Variants in RND3 observed in about 807,000 individuals in gnomAD.
The protein encoded by RND3 is rho-related GTP-binding protein RhoE.
In RND3, 8 loss-of-function variants were observed where a neutral mutation model predicts 26.5. The observed-to-expected ratio is 0.30, with a 90% CI of 0.18 to 0.54. RND3 has a LOEUF of 0.54. Ranked by LOEUF, RND3 falls within the 20% of genes least tolerant of loss-of-function variation. RND3 has a pLI of 0.94. For synonymous variants in RND3, 113 were observed against 113.0 expected (o/e 1.00, Z 0.00); for missense variants, 207 against 302.8 (o/e 0.68, Z 2.35).
At chr2:150,487,476 T>C in intron 1 of RND3, 21 bp from the exon 2 acceptor site, 1 of 212,074 alleles carries the variant, frequency 4.7e-6, no homozygotes, top group Non-Finnish European at 7.5e-6. Context: ...AAAAAAAAAA[T>C]ATATATATAT....
At chr2:150,484,391 T>G (rs1397007419) in intron 3 of RND3, among the ~76,000 whole-genome samples, 2 of 152,352 alleles carry the variant, frequency 1.3e-5, no homozygotes, top group East Asian at 3.9e-4. Flanking sequence ...AAGAATCAAT[T>G]TAGCCCTTTA....
chr2:150,474,676 CT>C (rs983352112), intron 4 of RND3, among the ~76,000 whole-genome samples, 198 bp downstream of exon 4: 1 of 152,140 alleles, frequency 6.6e-6, no homozygotes. Context: ...TGTTTCAGAG[CT>C]TCATGAAATA....
At position 150,469,760 on chromosome 2, in the gene RND3, A is replaced by T; in HGVS notation, c.*227T>A. The stretch of plus-strand genomic sequence containing the variant: ...ATTTGTATCTCTCATTTTTTGGCAT[A>T]TTTTTCAAGTCACACTTAAAAACTC... On this transcript the variant is annotated 3_prime_UTR_variant, in exon 6 of 6. Transcript: ENST00000263895. The T allele has an allele frequency of 1.4e-5, 7 of 503,638 alleles. No homozygotes were observed. Among genetic ancestry groups the T allele is most frequent in the Non-Finnish European group, 2.1e-5 (6 of 287,438 alleles). 31.2% of individuals were successfully genotyped at this position (503,638 alleles called of 1,614,324 possible).
intron 4 of RND3, among the ~76,000 whole-genome samples, chr2:150,472,431 A>C (rs539986002): frequency 6.6e-6 from 1 of 152,280 alleles, no homozygotes; most frequent in South Asian, 2.1e-4. Flanking sequence ...TTAGTTTAAA[A>C]CTATTTCAAT....
At chr2:150,475,086 C>G in intron 3 of RND3, 102 bp from the exon 4 acceptor site, 1 of 646,944 alleles carries the variant, frequency 1.5e-6, no homozygotes, top group Middle Eastern at 2.9e-4. Context: ...TGTCACATCA[C>G]GACCCAACTC....
At chr2:150,482,713 T>C (rs902552891) in intron 3 of RND3, among the ~76,000 whole-genome samples, 1 of 71,842 alleles carries the variant, frequency 1.4e-5, no homozygotes, top group Non-Finnish European at 2.6e-5. Flanking sequence ...AACTGGTGTG[T>C]GCAATGGGCG....
At position 150,474,966 on chromosome 2, in the gene RND3, T is replaced by C. The variant is rs1686142469; in HGVS notation, c.257A>G (p.Asn86Ser). The stretch of plus-strand genomic sequence containing the variant: ...ATCAGGGTAAGAGAGGGGGCGGACA[T>C]TGTCATAGTAAGGAGAACCTGAGAA... ...WDTSGSPYYD[N>S]VRPLSYPDSD... Residue 86 changes from asparagine to serine, a missense_variant, in exon 4 of 6, where the codon AAT becomes AGT. Transcript: ENST00000263895. 1.9e-6 allele frequency: 3 copies of C among 1,611,528 alleles called. No homozygotes were observed. Among genetic ancestry groups the C allele is most frequent in the Non-Finnish European group, 2.5e-6 (3 of 1,178,008 alleles).
At position 150,486,968 on chromosome 2, in the gene RND3, C is replaced by T. The variant is rs1327107167; in HGVS notation, c.151-187G>A. The T allele has an allele frequency of 3.2e-6, 2 of 627,744 alleles. No individual in the cohort carries two copies. Among genetic ancestry groups the T allele is most frequent in the African/African-American group, 1.8e-5 (1 of 54,736 alleles). 38.9% of individuals were successfully genotyped at this position (627,744 alleles called of 1,614,324 possible). ...CCCCTGTCCTACTCCCCACTCACCCCACCCGGCTCTCACAGATCTGCTGAC... is the reference window on the plus strand; with the variant it reads ...CCCCTGTCCTACTCCCCACTCACCCTACCCGGCTCTCACAGATCTGCTGAC... On this transcript the variant is annotated intron_variant, in intron 2 of 5. Transcript: ENST00000263895. This position sits in a 1 kb window ranked among gnomAD's most constrained non-coding sequence, Gnocchi z 4.5.
intron 4 of RND3, chr2:150,472,054 A>G: frequency 3.2e-6 from 1 of 315,634 alleles, no homozygotes; most frequent in Non-Finnish European, 6.0e-6. Flanking sequence ...AGGTAGCTTC[A>G]ATAATGTCTT....
chr2:150,484,758 C>T (rs578124941), intron 3 of RND3, among the ~76,000 whole-genome samples: 6 of 152,148 alleles, frequency 3.9e-5, no homozygotes, highest in Non-Finnish European at 7.4e-5. Flanking sequence ...GAAAATGAGA[C>T]CCAGGGAGAT....
chr2:150,475,676 G>C (rs186012350), intron 3 of RND3, among the ~76,000 whole-genome samples: 25 of 152,290 alleles, frequency 1.6e-4, no homozygotes, highest in African/African-American at 6.0e-4. Flanking sequence ...GTTTACATAG[G>C]CCATTGACCT....
Position 150,486,863 on chromosome 2 carries a change from T to C in RND3, c.151-82A>G. 1 of 936,092 alleles carries C rather than the reference T, an allele frequency of 1.1e-6. No individual in the cohort carries two copies. Among genetic ancestry groups the C allele is most frequent in the Non-Finnish European group, 1.8e-6 (1 of 562,318 alleles). 58.0% of individuals were successfully genotyped at this position (936,092 alleles called of 1,614,324 possible). On this transcript the variant is annotated intron_variant, in intron 2 of 5. Coordinates refer to ENST00000263895, the MANE Select transcript of RND3 (RefSeq NM_005168.5). The surrounding 1 kb of genome is among the most constrained non-coding windows in gnomAD (Gnocchi z 4.5). ...AACGCACGACACCCATTGAACACCC[T>C]TCCCCTCCCCGCTCCCCAGTTAAGA...
chr2:150,475,431 G>A (rs1486210152), intron 3 of RND3, among the ~76,000 whole-genome samples: 12 of 152,194 alleles, frequency 7.9e-5, no homozygotes, highest in Admixed American at 7.2e-4. Flanking sequence ...CCCAGGCAGG[G>A]CCTGGCTTTT....
At chr2:150,482,588 C>G (rs1206922058) in intron 3 of RND3, among the ~76,000 whole-genome samples, 1 of 151,934 alleles carries the variant, frequency 6.6e-6, no homozygotes, top group African/African-American at 2.4e-5. Flanking sequence ...TAAAAATTCC[C>G]TCTTTTAGAT....
chr2:150,480,631 GA>G lies in RND3; in HGVS notation c.239-5648del, dbSNP rs974454577. Among the ~76,000 whole-genome samples the G allele has an allele frequency of 7.4e-4, 109 of 147,272 alleles. 1 individual carries two copies. Among genetic ancestry groups the G allele is most frequent in the African/African-American group, 2.3e-3 (93 of 40,494 alleles). ...TGCAACTTAGCAAGAAACCAGATTG[GA>G]AAAAAAACAGCACTAAATGCGGCTA... On this transcript the variant is annotated intron_variant, in intron 3 of 5. Transcript: ENST00000263895.
Position 150,487,073 on chromosome 2 carries a change from C to A in RND3, c.150+195G>T, listed in dbSNP as rs1686385165. The A allele has an allele frequency of 4.9e-6, 3 of 609,750 alleles. No individual in the cohort carries two copies. The Admixed American group carries it at 8.9e-5, about 18-fold the overall frequency. 37.8% of individuals were successfully genotyped at this position (609,750 alleles called of 1,614,324 possible). On this transcript the variant is annotated intron_variant, in intron 2 of 5. Coordinates refer to ENST00000263895, the MANE Select transcript of RND3 (RefSeq NM_005168.5). ...AACCAGCCCATGTGCAGGCGCGTCCCAACCCTAAAAGCTTCCAGCGCACTT... is the reference window on the plus strand; with the variant it reads ...AACCAGCCCATGTGCAGGCGCGTCCAAACCCTAAAAGCTTCCAGCGCACTT...
rs57042915 is a variant in RND3, at chr2:150,481,725, CA to C, written c.238+4968del. 8.7e-3 allele frequency among the ~76,000 whole-genome samples: 1,288 copies of C among 148,358 alleles called. 13 individuals carry two copies. The highest frequency in any genetic ancestry group is 0.029 in the African/African-American group (1,159 of 40,532). ...TGTGTTCATTTATATGCTAAATCAC[CA>C]AAAAAAAAGGGGAGGGGGAGAGAGA... On this transcript the variant is annotated intron_variant, in intron 3 of 5. Coordinates refer to ENST00000263895, the MANE Select transcript of RND3 (RefSeq NM_005168.5).
chr2:150,474,674 A>G (rs1274010913), intron 4 of RND3, among the ~76,000 whole-genome samples: 1 of 152,224 alleles, frequency 6.6e-6, no homozygotes, highest in Non-Finnish European at 1.5e-5. Context: ...TTTGTTTCAG[A>G]GCTTCATGAA....
rs543896237 is a variant in RND3, at chr2:150,471,518, G to A, written c.483+109C>T. The A allele has an allele frequency of 6.8e-5, 60 of 882,090 alleles. No homozygotes were observed. In the African/African-American group the frequency reaches 9.7e-4, roughly 14 times the overall value. The allele number at this position is 882,090 out of a possible 1,614,324, so 54.6% of individuals were successfully genotyped here. Reference sequence around the variant, plus strand: ...ATTTTAAATTTCACAACTGACCACTGGGTGAGCCTTTAGAAAAGCAGCTAC... The same window carrying A: ...ATTTTAAATTTCACAACTGACCACTAGGTGAGCCTTTAGAAAAGCAGCTAC... On this transcript the variant is annotated intron_variant, in intron 5 of 5. Coordinates refer to ENST00000263895, the MANE Select transcript of RND3 (RefSeq NM_005168.5).
Sources: gnomAD v4.1 joint callset for allele counts (sites outside exome capture counted in the v4.1 genomes callset) on GRCh38, gnomAD v4.1.1 for gene constraint, Gnocchi (gnomAD v3.1) non-coding constraint, MANE v1.5 for transcripts, NCBI Gene and HGNC (gene_info 2026-07-23, HGNC 2026-07-21) for gene names.